CABCOCO1: variants seen among roughly 807,000 people sequenced by gnomAD.
The protein encoded by CABCOCO1 is ciliary associated calcium binding coiled-coil 1, also known as ciliary-associated calcium-binding coiled-coil protein 1.
A neutral mutation model predicts 35.7 loss-of-function variants in CABCOCO1; 28 were observed. That is an observed-to-expected ratio of 0.78 (90% confidence interval 0.58 to 1.07). The LOEUF (loss-of-function observed/expected upper bound fraction) is 1.07, where lower values mean the gene tolerates loss of function less well. Among genes scored for constraint, CABCOCO1 ranks in the 50% least tolerant of loss-of-function variants. The pLI, the probability that CABCOCO1 is intolerant of heterozygous loss-of-function variation, is 0.00. For synonymous variants in CABCOCO1, 95 were observed against 100.1 expected, an observed-to-expected ratio of 0.95 and a Z score of 0.30; for missense variants, 326 against 309.2, an observed-to-expected ratio of 1.05 and a Z score of -0.41.
In CABCOCO1 at chr10:61,687,117, A is replaced by G. The variant is rs189849673; in HGVS notation, c.479+932A>G. Among the ~76,000 whole-genome samples the G allele has an allele frequency of 4.5e-4, 69 of 152,354 alleles. 1 individual carries two copies. Among genetic ancestry groups the G allele is most frequent in the Middle Eastern group, 6.8e-3 (2 of 294 alleles). On this transcript the variant is annotated intron_variant, in intron 4 of 7. Coordinates refer to ENST00000648843, the MANE Select transcript of CABCOCO1 (RefSeq NM_001366906.2). Reference sequence around the variant, plus strand: ...AAGCTTTTTAAATCCTAGTAGGTTTAATATGATAAAGTTTATATATTGGTT... The same window carrying G: ...AAGCTTTTTAAATCCTAGTAGGTTTGATATGATAAAGTTTATATATTGGTT...
intron 1 of CABCOCO1, among the ~76,000 whole-genome samples, chr10:61,672,161 T>C (rs1437510749): frequency 6.6e-6 from 1 of 152,216 alleles, no homozygotes; most frequent in Non-Finnish European, 1.5e-5. Context: ...CTGGAACTCC[T>C]GTCTATAGAG....
chr10:61,739,919 G>A (rs1841512109), intron 5 of CABCOCO1, among the ~76,000 whole-genome samples: 2 of 152,202 alleles, frequency 1.3e-5, no homozygotes, highest in African/African-American at 4.8e-5. Flanking sequence ...TCCAGCCTGG[G>A]CGACAGAGCG....
intron 5 of CABCOCO1, chr10:61,701,538 TATG>T: frequency 4.2e-6 from 3 of 709,890 alleles, no homozygotes; most frequent in Non-Finnish European, 3.5e-6. Context: ...CTCTGCTATT[TATG>T]ATATTATCTG....
chr10:61,710,513 A>G (rs369290162), intron 5 of CABCOCO1, among the ~76,000 whole-genome samples: 5 of 152,138 alleles, frequency 3.3e-5, no homozygotes, highest in Admixed American at 2.0e-4. Context: ...AAATTTACAA[A>G]TAATTTTATC....
At chr10:61,734,215 G>C (rs1007501372) in intron 5 of CABCOCO1, among the ~76,000 whole-genome samples, 30 of 151,810 alleles carry the variant, frequency 2.0e-4, no homozygotes, top group African/African-American at 6.5e-4. Flanking sequence ...ATCATATGTG[G>C]CACGTGCACA....
At chr10:61,708,599 G>A (rs892950397) in intron 5 of CABCOCO1, among the ~76,000 whole-genome samples, 5 of 152,064 alleles carry the variant, frequency 3.3e-5, no homozygotes, top group Non-Finnish European at 5.9e-5. Flanking sequence ...CTTGGTGGAA[G>A]GGATGAACAA....
chr10:61,698,281 A>T (rs1193090064), intron 5 of CABCOCO1, among the ~76,000 whole-genome samples: 1 of 152,102 alleles, frequency 6.6e-6, no homozygotes. Context: ...CTGTTTCAAT[A>T]TTTTATTTTG....
At chr10:61,748,640 A>G (rs12252724) in intron 5 of CABCOCO1, among the ~76,000 whole-genome samples, 244 of 152,360 alleles carry the variant, frequency 1.6e-3, no homozygotes, top group African/African-American at 5.7e-3. Flanking sequence ...TGACAATGAC[A>G]GTGTTTTGAC....
intron 5 of CABCOCO1, among the ~76,000 whole-genome samples, chr10:61,697,247 T>C (rs1321484685): frequency 1.3e-5 from 2 of 152,052 alleles, no homozygotes; most frequent in Admixed American, 1.3e-4. Context: ...TTGCAGAAGG[T>C]AAATCAGAAG....
At chr10:61,754,599 T>A (rs2132085004) in intron 5 of CABCOCO1, among the ~76,000 whole-genome samples, 2 of 152,230 alleles carry the variant, frequency 1.3e-5, no homozygotes, top group Admixed American at 1.3e-4. Context: ...AAATGATTAT[T>A]TGAAGCCCAA....
intron 3 of CABCOCO1, among the ~76,000 whole-genome samples, chr10:61,681,824 T>A (rs1003910561): frequency 6.6e-6 from 1 of 152,230 alleles, no homozygotes; most frequent in Non-Finnish European, 1.5e-5. Flanking sequence ...CTATCCATAT[T>A]TTCATTTGTG....
chr10:61,753,934 G>A (rs1026009091), intron 5 of CABCOCO1, among the ~76,000 whole-genome samples: 7 of 152,118 alleles, frequency 4.6e-5, no homozygotes, highest in Admixed American at 2.6e-4. Flanking sequence ...TGGGCTGCTT[G>A]AGCAGTGTTA....
At chr10:61,757,199 C>A (rs1214140181) in intron 5 of CABCOCO1, among the ~76,000 whole-genome samples, 2 of 151,874 alleles carry the variant, frequency 1.3e-5, no homozygotes, top group Non-Finnish European at 2.9e-5. Context: ...TGGGCTCTCA[C>A]CACAATTATT....
chr10:61,743,706 T>C (rs965818374), intron 5 of CABCOCO1, among the ~76,000 whole-genome samples: 6 of 152,188 alleles, frequency 3.9e-5, no homozygotes, highest in African/African-American at 1.4e-4. Context: ...CGTATGTATC[T>C]GTTCATTTGT....
intron 2 of CABCOCO1, among the ~76,000 whole-genome samples, chr10:61,676,290 A>G (rs906836136): frequency 2.6e-5 from 4 of 152,228 alleles, no homozygotes; most frequent in African/African-American, 9.6e-5. Flanking sequence ...TTCATTGGTG[A>G]ATTTTAAACA....
intron 5 of CABCOCO1, among the ~76,000 whole-genome samples, chr10:61,691,826 T>C (rs144051709): frequency 0.12 from 17,823 of 152,094 alleles, 1,380 homozygotes; most frequent in African/African-American, 0.19. Flanking sequence ...CATGAACTCA[T>C]CCTTTTTTAT....
chr10:61,724,436 T>C (rs1841095143), intron 5 of CABCOCO1, among the ~76,000 whole-genome samples: 1 of 152,214 alleles, frequency 6.6e-6, no homozygotes, highest in South Asian at 2.1e-4. Context: ...CAGATCATTG[T>C]AGCACAATAA....
At chr10:61,685,575 T>C (rs1839932370) in intron 3 of CABCOCO1, among the ~76,000 whole-genome samples, 1 of 152,206 alleles carries the variant, frequency 6.6e-6, no homozygotes, top group Admixed American at 6.5e-5. Flanking sequence ...TCAGCGCTAT[T>C]CCTGAGACAG....
At chr10:61,732,951 T>C (rs2132056447) in intron 5 of CABCOCO1, among the ~76,000 whole-genome samples, 1 of 152,166 alleles carries the variant, frequency 6.6e-6, no homozygotes, top group South Asian at 2.1e-4. Context: ...AGTGAATGTT[T>C]TTAGAGCTTT....
Sources: allele counts gnomAD v4.1 joint callset (sites outside exome capture counted in the v4.1 genomes callset), GRCh38; gene constraint gnomAD v4.1.1; transcripts MANE v1.5; gene names NCBI Gene and HGNC (gene_info 2026-07-23, HGNC 2026-07-21).